PTK2: variants seen among roughly 807,000 people sequenced by gnomAD.
The protein encoded by PTK2 is protein tyrosine kinase 2.
Under a neutral mutation model 150.1 loss-of-function variants are expected in PTK2, and 45 were observed. The observed-to-expected ratio is 0.30, with a 90% confidence interval of 0.24 to 0.38. The LOEUF is 0.38. Among genes scored for constraint, PTK2 ranks in the 10% least tolerant of loss-of-function variants. The pLI is 1.00. For synonymous variants in PTK2, 432 were observed against 449.2 expected (o/e 0.96, Z 0.48); for missense variants, 919 against 1,307.3 (o/e 0.70, Z 4.58).
chr8:140,983,643 C>T (rs1292236925), intron 1 of PTK2, among the ~76,000 whole-genome samples: 2 of 142,070 alleles, frequency 1.4e-5, no homozygotes, highest in African/African-American at 5.2e-5. Context: ...CATCACTGTC[C>T]TAGAGAGAGG....
chr8:140,828,974 G>A (rs761777467), intron 8 of PTK2, among the ~76,000 whole-genome samples: 1 of 152,168 alleles, frequency 6.6e-6, no homozygotes, highest in South Asian at 2.1e-4. Flanking sequence ...CCAATGGTCT[G>A]TGGGCTACTT....
chr8:140,717,709 G>C, exon 23 of PTK2: 1 of 1,612,774 alleles, frequency 6.2e-7, no homozygotes, highest in Non-Finnish European at 8.5e-7. Flanking sequence ...CCAGGATTGT[G>C]CTAGAGAGAC....
In PTK2 at chr8:140,764,438, CAT is replaced by C. The variant is rs551941457; in HGVS notation, c.1178-150_1178-149del. On this transcript the variant is annotated intron_variant, in intron 14 of 31. Coordinates refer to ENST00000522684, the Ensembl canonical transcript of PTK2. ...CACTATTACTCAAATTTTGCTCACA[CAT>C]GAGTCATTTATGGAAATAAAAGTGA... is the stretch of plus-strand genomic sequence containing the variant. The C allele has an allele frequency of 6.7e-4, 423 of 627,066 alleles. 2 individuals are homozygous for C. The highest frequency in any genetic ancestry group is 2.0e-3 in the Middle Eastern group (5 of 2,490). 38.8% of individuals were successfully genotyped at this position (627,066 alleles called of 1,614,324 possible). A position where few individuals can be genotyped will look rare whatever the true frequency, so the allele number is the denominator to read the frequency against.
intron 10 of PTK2, among the ~76,000 whole-genome samples, chr8:140,817,664 T>C (rs992512917): frequency 6.6e-6 from 1 of 152,182 alleles, no homozygotes; most frequent in Non-Finnish European, 1.5e-5. Flanking sequence ...ACAAAGGACT[T>C]CTGTTTTGTT....
chr8:140,845,607 C>T (rs2100124928), intron 7 of PTK2, among the ~76,000 whole-genome samples: 1 of 152,162 alleles, frequency 6.6e-6, no homozygotes, highest in South Asian at 2.1e-4. Context: ...TATAATTTTG[C>T]TTACTTGTCT....
intron 1 of PTK2, among the ~76,000 whole-genome samples, chr8:140,970,008 G>A (rs2100186684): frequency 1.3e-5 from 2 of 152,320 alleles, no homozygotes; most frequent in Middle Eastern, 3.4e-3. Flanking sequence ...TGTGCTGGGA[G>A]AAAAAAATAA....
chr8:140,875,795 G>A (rs2100145126), intron 4 of PTK2, among the ~76,000 whole-genome samples: 1 of 152,164 alleles, frequency 6.6e-6, no homozygotes, highest in African/African-American at 2.4e-5. Flanking sequence ...ATGATTTAAT[G>A]CCCAAGGCAG....
intron 2 of PTK2, among the ~76,000 whole-genome samples, chr8:140,904,095 G>A (rs997430847): frequency 6.6e-6 from 1 of 152,188 alleles, no homozygotes; most frequent in Non-Finnish European, 1.5e-5. Flanking sequence ...CAAAGGGAAT[G>A]CATCCAGCTT....
chr8:140,857,774 G>C (rs1190801292), intron 5 of PTK2, among the ~76,000 whole-genome samples: 1 of 152,084 alleles, frequency 6.6e-6, no homozygotes. Context: ...TCTACTCAAA[G>C]GGTCTCCATT....
At chr8:140,978,270 A>C (rs1398524529) in intron 1 of PTK2, among the ~76,000 whole-genome samples, 18 of 146,148 alleles carry the variant, frequency 1.2e-4, no homozygotes, top group South Asian at 6.6e-4. Context: ...GGATCTAATT[A>C]AATTAAAGAG....
intron 8 of PTK2, among the ~76,000 whole-genome samples, chr8:140,830,062 C>T (rs959388249): frequency 7.3e-6 from 1 of 137,482 alleles, no homozygotes; most frequent in Non-Finnish European, 1.5e-5. Context: ...CTTCAAAATG[C>T]ACTAACATGC....
chr8:140,697,416 T>TTGTGTGTGTGTGTGTGTGTG (rs34459077), intron 26 of PTK2, among the ~76,000 whole-genome samples: 76 of 145,808 alleles, frequency 5.2e-4, no homozygotes, highest in African/African-American at 1.8e-3. Context: ...AGAATACGGT[T>TTGTGTGTGTGTGTGTGTGTG]TGTGTGTGTG....
intron 17 of PTK2, among the ~76,000 whole-genome samples, chr8:140,749,590 C>T (rs2100061514): frequency 6.6e-6 from 1 of 152,222 alleles, no homozygotes; most frequent in Non-Finnish European, 1.5e-5. Context: ...GGAACATATT[C>T]TTGCTCATTC....
At chr8:140,762,483 C>A in intron 15 of PTK2, 95 bp from the exon 18 acceptor site, 1 of 470,794 alleles carries the variant, frequency 2.1e-6, no homozygotes. Context: ...GAGAATATTT[C>A]AACAATACTT....
chr8:140,820,277 A>G (rs2100107677), intron 8 of PTK2, among the ~76,000 whole-genome samples: 1 of 149,764 alleles, frequency 6.7e-6, no homozygotes, highest in Non-Finnish European at 1.5e-5. Context: ...ATTTTTGTAT[A>G]TTTAGTAGAG....
chr8:140,664,645 G>A (rs1191229560), intron 31 of PTK2, among the ~76,000 whole-genome samples: 2 of 152,188 alleles, frequency 1.3e-5, no homozygotes, highest in Non-Finnish European at 2.9e-5. Flanking sequence ...CTCAGATGAG[G>A]ACCTTGCATA....
chr8:140,733,909 G>A (rs752937145), intron 22 of PTK2, among the ~76,000 whole-genome samples: 1 of 152,126 alleles, frequency 6.6e-6, no homozygotes, highest in Non-Finnish European at 1.5e-5. Flanking sequence ...GTGATACCTC[G>A]GTCTCCTCCA....
intron 25 of PTK2, among the ~76,000 whole-genome samples, chr8:140,701,696 T>C (rs1189148000): frequency 1.3e-5 from 2 of 152,240 alleles, no homozygotes; most frequent in Non-Finnish European, 2.9e-5. Flanking sequence ...ATGCTGACGA[T>C]AGTCCACTTA....
At chr8:140,895,862 T>C (rs139274579) in intron 2 of PTK2, among the ~76,000 whole-genome samples, 4,219 of 151,970 alleles carry the variant, frequency 0.028, 74 homozygotes, top group Middle Eastern at 0.071. Context: ...TATGTACCAA[T>C]AAAAATTTAA....
Sources: allele counts gnomAD v4.1 joint callset (sites outside exome capture counted in the v4.1 genomes callset), GRCh38; gene constraint gnomAD v4.1.1; transcripts MANE v1.5; gene names NCBI Gene and HGNC (gene_info 2026-07-23, HGNC 2026-07-21).